MORF4L1: variants seen among roughly 807,000 people sequenced by gnomAD.
MORF4L1 encodes the protein mortality factor 4-like protein 1.
Under a neutral mutation model 52.9 loss-of-function variants are expected in MORF4L1, and 4 were observed. That is an observed-to-expected ratio of 0.08 (90% CI 0.04 to 0.17). The LOEUF (loss-of-function observed/expected upper bound fraction) is 0.17, where lower values mean the gene tolerates loss of function less well. MORF4L1 is among the 10% of genes least tolerant of loss of function. The pLI is 1.00. For missense variants in MORF4L1, 214 were observed against 390.4 expected, an observed-to-expected ratio of 0.55 and a Z score of 3.81; for synonymous variants, 123 against 134.8, an observed-to-expected ratio of 0.91 and a Z score of 0.61.
At chr15:78,875,523 C>T (rs1376235625) in intron 1 of MORF4L1, among the ~76,000 whole-genome samples, 1 of 152,128 alleles carries the variant, frequency 6.6e-6, no homozygotes, top group Admixed American at 6.5e-5. Context: ...AATCCCAGCA[C>T]TTTGGGAGGC....
At chr15:78,883,963 T>A (rs1205125232) in intron 3 of MORF4L1, among the ~76,000 whole-genome samples, 1 of 152,004 alleles carries the variant, frequency 6.6e-6, no homozygotes, top group African/African-American at 2.4e-5. Flanking sequence ...CCCAGCACTT[T>A]GGGAGGCCGA....
intron 1 of MORF4L1, 81 bp downstream of exon 1, chr15:78,873,138 CG>C (rs2056400297): frequency 5.2e-6 from 8 of 1,542,940 alleles, no homozygotes; most frequent in East Asian, 2.5e-5. Context: ...GCTTGAGGGC[CG>C]GGGGCGGCGC....
At position 78,880,592 on chromosome 15, in the gene MORF4L1, T is replaced by C. The variant is rs2056583327; in HGVS notation, c.155+13T>C. On this transcript the variant is annotated intron_variant, in intron 3 of 11. Transcript: ENST00000426013. ...GTTGGAATAAAAAGTGAGTATTAGA[T>C]CTTACAATTCTATTTGTAATTAACA... 6.5e-7 allele frequency: 1 copy of C among 1,545,476 alleles called. No individual in the cohort carries two copies. The highest frequency in any genetic ancestry group is 1.4e-5 in the African/African-American group (1 of 72,676).
chr15:78,878,115 C>A, intron 1 of MORF4L1, 98 bp from the exon 2 acceptor site: 1 of 1,265,852 alleles, frequency 7.9e-7, no homozygotes, highest in Non-Finnish European at 1.1e-6. Flanking sequence ...CCTAATTTGG[C>A]TAGGAATACC....
chr15:78,892,044 C>T (rs2056810028), intron 7 of MORF4L1, among the ~76,000 whole-genome samples, 168 bp from the exon 8 acceptor site: 1 of 152,158 alleles, frequency 6.6e-6, no homozygotes, highest in Non-Finnish European at 1.5e-5. Flanking sequence ...CTCCCAACAG[C>T]GAACCGCGTA....
intron 6 of MORF4L1, 119 bp from the exon 7 acceptor site, chr15:78,891,365 T>C (rs749399437): frequency 8.3e-5 from 64 of 767,978 alleles, no homozygotes; most frequent in Admixed American, 2.9e-4. Context: ...TTAACTTAGA[T>C]TGAGGTAACA....
Position 78,872,952 on chromosome 15 carries a change from G to A in MORF4L1, c.-66G>A. 2 of 1,537,364 alleles carry A rather than the reference G, an allele frequency of 1.3e-6. No homozygotes were observed. Among genetic ancestry groups the A allele is most frequent in the Non-Finnish European group, 8.8e-7 (1 of 1,142,466 alleles). On this transcript the variant is annotated 5_prime_UTR_variant, in exon 1 of 12. Coordinates refer to ENST00000426013, the MANE Select transcript of MORF4L1 (RefSeq NM_006791.4). The stretch of plus-strand genomic sequence containing the variant: ...GGCGCGTCTGACGCGGAGTTGGGTG[G>A]GGTAGAGAGTAGGGGGCGGTAGTCG...
rs117662804 is a variant in MORF4L1 at position 78,886,590 on chromosome 15, C to A, written c.242+363C>A. Among the ~76,000 whole-genome samples the A allele has an allele frequency of 1.4e-3, 209 of 152,146 alleles. 5 individuals are homozygous for A. The East Asian group carries it at 0.034, about 25-fold the overall frequency. On this transcript the variant is annotated intron_variant, in intron 4 of 11. Transcript: ENST00000426013. ...CTATTCTGCTTTTCATCTCTGAAAG[C>A]ACGGGAAAAGGGACCCTGAAAGACT...
intron 3 of MORF4L1, among the ~76,000 whole-genome samples, chr15:78,881,483 A>G (rs116326138): frequency 0.013 from 1,479 of 111,338 alleles, 23 homozygotes; most frequent in African/African-American, 0.048. Context: ...GGTGTGAGCC[A>G]CTGCCCGGCC....
At chr15:78,892,575 C>T (rs2056819536) in intron 8 of MORF4L1, 3 of 306,260 alleles carry the variant, frequency 9.8e-6, no homozygotes, top group South Asian at 6.4e-5. Flanking sequence ...GGCAGGAACT[C>T]GTTCTGAAAA....
At chr15:78,896,415 A>G (rs1386386190) in intron 11 of MORF4L1, among the ~76,000 whole-genome samples, 2 of 143,906 alleles carry the variant, frequency 1.4e-5, no homozygotes, top group African/African-American at 5.2e-5. Flanking sequence ...GGTTCAAGCA[A>G]TTCTCCTGCC....
chr15:78,894,790 A>G (rs1268834659), intron 10 of MORF4L1, 30 bp from the exon 11 acceptor site: 1 of 1,540,060 alleles, frequency 6.5e-7, no homozygotes, highest in Non-Finnish European at 9.0e-7. Flanking sequence ...CCTTGGATGT[A>G]ACTTTGGATA....
At chr15:78,878,146 C>G (rs1272210395) in intron 1 of MORF4L1, 67 bp from the exon 2 acceptor site, 3 of 1,501,070 alleles carry the variant, frequency 2.0e-6, no homozygotes, top group Admixed American at 1.9e-5. Flanking sequence ...TGTGATGACT[C>G]TCTAAGATGT....
intron 10 of MORF4L1, chr15:78,894,532 C>T: frequency 2.6e-6 from 1 of 383,508 alleles, no homozygotes. Flanking sequence ...CTCAGCCTCC[C>T]AAGTAGCTGG....
chr15:78,893,970 A>G (rs970933334), intron 9 of MORF4L1, 88 bp from the exon 10 acceptor site: 1 of 1,308,484 alleles, frequency 7.6e-7, no homozygotes, highest in Admixed American at 2.2e-5. Flanking sequence ...TTACTAGCTC[A>G]GCTTTTAATT....
At chr15:78,879,204 C>T (rs537448204) in intron 2 of MORF4L1, among the ~76,000 whole-genome samples, 4 of 152,124 alleles carry the variant, frequency 2.6e-5, no homozygotes, top group African/African-American at 7.2e-5. Flanking sequence ...GACTCTCTCT[C>T]TCTTTATTTT....
intron 2 of MORF4L1, among the ~76,000 whole-genome samples, chr15:78,878,792 C>T (rs910616216): frequency 2.6e-5 from 4 of 151,944 alleles, no homozygotes; most frequent in Admixed American, 2.0e-4. Context: ...AGAATGCATT[C>T]CAAAGTAAAA....
At chr15:78,891,743 A>G in intron 7 of MORF4L1, 171 bp downstream of exon 7, 2 of 558,114 alleles carry the variant, frequency 3.6e-6, no homozygotes, top group Non-Finnish European at 6.4e-6. Context: ...TCTTTATTTC[A>G]CCTGTAGCTC....
chr15:78,876,089 C>A (rs1420201353), intron 1 of MORF4L1, among the ~76,000 whole-genome samples: 1 of 151,826 alleles, frequency 6.6e-6, no homozygotes, highest in East Asian at 2.0e-4. Flanking sequence ...AGGCACGCGC[C>A]ACCACGCCCA....
Sources: gnomAD v4.1 joint callset for allele counts (sites outside exome capture counted in the v4.1 genomes callset) on GRCh38, gnomAD v4.1.1 for gene constraint, MANE v1.5 for transcripts, NCBI Gene and HGNC (gene_info 2026-07-23, HGNC 2026-07-21) for gene names.